PSMF1: variants seen among roughly 807,000 people sequenced by gnomAD.
PSMF1 encodes proteasome inhibitor PI31 subunit.
Under a neutral mutation model 29.3 loss-of-function variants are expected in PSMF1, and 30 were observed. That is an observed-to-expected ratio of 1.02 (90% confidence interval 0.77 to 1.39). PSMF1 has a LOEUF of 1.39. Among genes scored for constraint, PSMF1 ranks in the 40% most tolerant of loss-of-function variants. PSMF1 has a pLI of 0.00. For synonymous variants in PSMF1, 134 were observed against 139.7 expected, an observed-to-expected ratio of 0.96 and a Z score of 0.29; for missense variants, 344 against 357.5, an observed-to-expected ratio of 0.96 and a Z score of 0.31.
intron 3 of PSMF1, among the ~76,000 whole-genome samples, chr20:1,129,319 A>G (rs188950651): frequency 6.6e-6 from 1 of 152,326 alleles, no homozygotes; most frequent in Admixed American, 6.5e-5. Context: ...TGGCATCACT[A>G]TAAATGCACA....
At position 1,170,002 on chromosome 20, in the gene PSMF1, C is replaced by T. The variant is rs997299307; in HGVS notation, c.*4922C>T. On this transcript the variant is annotated 3_prime_UTR_variant, in exon 7 of 7. Coordinates refer to ENST00000335877, the MANE Select transcript of PSMF1 (RefSeq NM_006814.5). The stretch of plus-strand genomic sequence containing the variant: ...TGCTTGCTCTAAGTACACATTAGTA[C>T]ATGCTGGGCCCCAATCTAGATCTCA... 6.6e-6 allele frequency among the ~76,000 whole-genome samples: 1 copy of T among 152,176 alleles called. No individual in the cohort carries two copies. The highest frequency in any genetic ancestry group is 1.5e-5 in the Non-Finnish European group (1 of 68,028).
intron 3 of PSMF1, among the ~76,000 whole-genome samples, chr20:1,134,274 G>A (rs189225896): frequency 5.3e-5 from 8 of 151,854 alleles, no homozygotes; most frequent in Admixed American, 4.6e-4. Context: ...ACATATTTTC[G>A]TATGTTTTTA....
Position 1,163,154 on chromosome 20 carries a change from T to C in PSMF1, c.576T>C (p.Val192=). The change falls in exon 5 of 7, where the codon GTT becomes GTC. Residue 192 remains valine, a synonymous_variant. Coordinates refer to ENST00000335877, the MANE Select transcript of PSMF1 (RefSeq NM_006814.5). This position sits in a 1 kb window ranked among gnomAD's most constrained non-coding sequence, Gnocchi z 6.1. The stretch of plus-strand genomic sequence containing the variant: ...GGTGTGATCCCCTGGGCCCGTTTGT[T>C]GTCGGGGGAGAAGACTTAGACCCTT... ...PPWCDPLGPF[V]VGGEDLDPFG... 6.2e-7 allele frequency: 1 copy of C among 1,614,162 alleles called. No homozygotes were observed. The highest frequency in any genetic ancestry group is 8.5e-7 in the Non-Finnish European group (1 of 1,180,018).
intron 1 of PSMF1, among the ~76,000 whole-genome samples, chr20:1,122,290 C>CT (rs1329139435): frequency 8.7e-6 from 1 of 115,466 alleles, no homozygotes. Context: ...TTTTCTTTTT[C>CT]TTTTCTTTTT....
rs571420393 is a variant in PSMF1, at chr20:1,142,906, A to G, written c.551+7600A>G. On this transcript the variant is annotated intron_variant, in intron 4 of 6. Coordinates refer to ENST00000335877, the MANE Select transcript of PSMF1 (RefSeq NM_006814.5). ...CCACCAACAGTGTAAAAGTGTTCCTATTTCTCCACATCCTCTCCAGCAGGT... is the reference window on the plus strand; with the variant it reads ...CCACCAACAGTGTAAAAGTGTTCCTGTTTCTCCACATCCTCTCCAGCAGGT... 4.6e-5 allele frequency among the ~76,000 whole-genome samples: 7 copies of G among 152,310 alleles called. No individual in the cohort carries two copies. In the South Asian group the frequency reaches 1.4e-3, roughly 32 times the overall value.
At chr20:1,127,012 C>A (rs2086165570) in intron 2 of PSMF1, among the ~76,000 whole-genome samples, 1 of 152,224 alleles carries the variant, frequency 6.6e-6, no homozygotes, top group Non-Finnish European at 1.5e-5. Context: ...TAGATACTGG[C>A]TGATTCTGTC....
rs888327770 is a variant in PSMF1 at position 1,170,311 on chromosome 20, G to A, written c.*5231G>A. 4.6e-5 allele frequency among the ~76,000 whole-genome samples: 7 copies of A among 152,150 alleles called. No homozygotes were observed. The highest frequency in any genetic ancestry group is 1.7e-4 in the African/African-American group (7 of 41,406). ...TCTTTTTCCTTTACGTGAATATCGA[G>A]TACAAAGAATTGAGCCAGTCAGTCC... On this transcript the variant is annotated 3_prime_UTR_variant, in exon 7 of 7. Coordinates refer to ENST00000335877, the MANE Select transcript of PSMF1 (RefSeq NM_006814.5).
rs2086717203 is a variant in PSMF1, at chr20:1,165,406, A to ATCTTGG, written c.*327_*328insCTTGGT. On this transcript the variant is annotated 3_prime_UTR_variant, in exon 7 of 7. Coordinates refer to ENST00000335877, the MANE Select transcript of PSMF1 (RefSeq NM_006814.5). Reference sequence around the variant, plus strand: ...TATATCCTCGACCAGATGCAGTGCTATAAGAACAGAACGCATTTTGGATGT... The same window carrying ATCTTGG: ...TATATCCTCGACCAGATGCAGTGCTATCTTGGTAAGAACAGAACGCATTTTGGATGT... 1.7e-6 allele frequency: 2 copies of ATCTTGG among 1,211,224 alleles called. No individual in the cohort carries two copies. The highest frequency in any genetic ancestry group is 2.1e-6 in the Non-Finnish European group (2 of 969,976). The allele number at this position is 1,211,224 out of a possible 1,614,324, so 75.0% of individuals were successfully genotyped here. A position where few individuals can be genotyped will look rare whatever the true frequency, so the allele number is the denominator to read the frequency against.
At chr20:1,157,680 G>A (rs1028897044) in intron 4 of PSMF1, among the ~76,000 whole-genome samples, 2 of 151,986 alleles carry the variant, frequency 1.3e-5, no homozygotes, top group East Asian at 3.9e-4. Context: ...TCACGTGGTC[G>A]TAGCTGGTAT....
chr20:1,127,554 T>A, intron 3 of PSMF1, 46 bp downstream of exon 3: 1 of 1,453,520 alleles, frequency 6.9e-7, no homozygotes. Flanking sequence ...AAGAGAGAAC[T>A]AATGGCAAGA....
intron 4 of PSMF1, among the ~76,000 whole-genome samples, chr20:1,145,746 T>C (rs932081679): frequency 2.6e-5 from 4 of 152,152 alleles, no homozygotes; most frequent in Non-Finnish European, 4.4e-5. Context: ...TGAGGAGGCT[T>C]TGGGGAACAT....
chr20:1,135,223 G>A lies in PSMF1; in HGVS notation c.468G>A (p.Arg156=), dbSNP rs139986096. ...WEKANVSSPH[R]EFPPATAREV... is the part of the protein sequence containing the mutation. Reference sequence around the variant, plus strand: ...AGGCTAATGTAAGCAGTCCCCACCGGGAGTTCCCCCCTGCTACCGCCAGAG... The same window carrying A: ...AGGCTAATGTAAGCAGTCCCCACCGAGAGTTCCCCCCTGCTACCGCCAGAG... Residue 156 remains arginine, a synonymous_variant, in exon 4 of 7, where the codon CGG becomes CGA. Transcript: ENST00000335877. 3.2e-4 allele frequency: 521 copies of A among 1,614,026 alleles called. No individual in the cohort carries two copies. The African/African-American group carries it at 4.9e-3, about 15-fold the overall frequency.
In PSMF1 at chr20:1,119,314, C is replaced by A. The variant is rs6108600; in HGVS notation, c.129+412C>A. The stretch of plus-strand genomic sequence containing the variant: ...GTGAGGGGACTGACTCAGTTCCGCC[C>A]TCATACCACAGTAGAGCCTCCACCA... On this transcript the variant is annotated intron_variant, in intron 1 of 6. Transcript: ENST00000335877. Among the ~76,000 whole-genome samples the A allele has an allele frequency of 6.6e-5, 10 of 152,164 alleles. No homozygotes were observed. The South Asian group carries it at 1.7e-3, about 25-fold the overall frequency.
At chr20:1,141,464 C>T (rs2086379109) in intron 4 of PSMF1, among the ~76,000 whole-genome samples, 1 of 152,068 alleles carries the variant, frequency 6.6e-6, no homozygotes, top group African/African-American at 2.4e-5. Context: ...TAATAACTGC[C>T]CATGACTGGG....
intron 4 of PSMF1, among the ~76,000 whole-genome samples, chr20:1,140,079 T>C (rs2122528569): frequency 6.6e-6 from 1 of 152,330 alleles, no homozygotes; most frequent in South Asian, 2.1e-4. Flanking sequence ...TTTTGGGTTT[T>C]TCCCCCCCAG....
intron 3 of PSMF1, among the ~76,000 whole-genome samples, chr20:1,133,105 A>T (rs1461375172): frequency 1.3e-5 from 2 of 150,378 alleles, no homozygotes; most frequent in African/African-American, 4.9e-5. Flanking sequence ...AGTGGTCAGG[A>T]TGTCCAATAT....
intron 3 of PSMF1, among the ~76,000 whole-genome samples, chr20:1,128,655 C>A (rs2086191158): frequency 6.6e-6 from 1 of 152,082 alleles, no homozygotes; most frequent in South Asian, 2.1e-4. Flanking sequence ...TATAGTTAAG[C>A]TGATTTATGT....
At chr20:1,150,241 A>G (rs1444723473) in intron 4 of PSMF1, among the ~76,000 whole-genome samples, 4 of 152,260 alleles carry the variant, frequency 2.6e-5, no homozygotes, top group East Asian at 1.9e-4. Context: ...TTAAAAAGAC[A>G]TATTCAAAGA....
chr20:1,124,299 T>TA (rs1259312076), intron 1 of PSMF1, among the ~76,000 whole-genome samples: 1 of 152,114 alleles, frequency 6.6e-6, no homozygotes, highest in East Asian at 1.9e-4. Flanking sequence ...TTAGGATTTT[T>TA]AAAAAAGAAA....
Sources: gnomAD v4.1 joint callset for allele counts (sites outside exome capture counted in the v4.1 genomes callset) on GRCh38, gnomAD v4.1.1 for gene constraint, Gnocchi (gnomAD v3.1) non-coding constraint, MANE v1.5 for transcripts, NCBI Gene and HGNC (gene_info 2026-07-23, HGNC 2026-07-21) for gene names.